WDR17: variants seen among roughly 807,000 people sequenced by gnomAD.
The protein encoded by WDR17 is WD repeat domain 17.
Under a neutral mutation model 161.7 loss-of-function variants are expected in WDR17, and 143 were observed. That is an observed-to-expected ratio of 0.88 (90% CI 0.77 to 1.02). The LOEUF is 1.02. WDR17 is among the 50% of genes least tolerant of loss of function. The probability of loss-of-function intolerance (pLI) is 0.00; values close to 1 mark genes in which losing one functional copy is unlikely to be tolerated. For missense variants in WDR17, 1,469 were observed against 1,520.9 expected (o/e 0.97, Z 0.57); for synonymous variants, 517 against 515.6 (o/e 1.00, Z -0.04).
intron 19 of WDR17, among the ~76,000 whole-genome samples, chr4:176,160,621 C>T (rs1004885198): frequency 3.3e-5 from 5 of 152,168 alleles, no homozygotes; most frequent in Admixed American, 6.6e-5. Flanking sequence ...CACACACAGC[C>T]GAACTTATTT....
chr4:176,133,645 A>T (rs572700239), intron 7 of WDR17, among the ~76,000 whole-genome samples: 1 of 151,750 alleles, frequency 6.6e-6, no homozygotes, highest in Non-Finnish European at 1.5e-5. Context: ...CTTAACACAG[A>T]TCCAAATTTG....
At chr4:176,168,637 C>T (rs756162857) in intron 22 of WDR17, 35 bp from the exon 23 acceptor site, 1 of 1,611,162 alleles carries the variant, frequency 6.2e-7, no homozygotes, top group Non-Finnish European at 8.5e-7. Flanking sequence ...TAAATCTTCT[C>T]CTCAATGAAG....
intron 1 of WDR17, among the ~76,000 whole-genome samples, chr4:176,083,583 A>G (rs1213017139): frequency 6.6e-6 from 1 of 152,114 alleles, no homozygotes; most frequent in East Asian, 1.9e-4. Flanking sequence ...ATACTGTATC[A>G]TTGTACTATT....
At chr4:176,142,151 A>G (rs1265218729) in intron 11 of WDR17, 82 bp downstream of exon 11, 15 of 1,142,016 alleles carry the variant, frequency 1.3e-5, no homozygotes, top group Non-Finnish European at 1.9e-5. Flanking sequence ...GCTATTTCCA[A>G]AGGTAATATC....
At chr4:176,067,774 T>C (rs1561055310) in intron 1 of WDR17, among the ~76,000 whole-genome samples, 1 of 152,322 alleles carries the variant, frequency 6.6e-6, no homozygotes, top group East Asian at 1.9e-4. Flanking sequence ...TCTTGTATCC[T>C]TTAGTCTGGG....
rs529944489 is a variant in WDR17 at position 176,160,118 on chromosome 4, G to T, written c.2650G>T (p.Val884Phe). Residue 884 changes from valine to phenylalanine, a missense_variant, in exon 19 of 29, where the codon GTT (valine) becomes TTT (phenylalanine). Coordinates refer to ENST00000508596, the MANE Select transcript of WDR17 (RefSeq NM_181265.4). ...AGGTCAGCTTAAAGAAGCTCTGCTT[G>T]TTGCACAGGTAAAACCACAGAACTA... ...SRGQLKEALL[V>F]AQAACEGNMQ... 1 of 1,613,308 alleles carries T rather than the reference G, an allele frequency of 6.2e-7. No homozygotes were observed. The highest frequency in any genetic ancestry group is 8.5e-7 in the Non-Finnish European group (1 of 1,179,638).
chr4:176,079,857 T>C (rs1734517064), intron 1 of WDR17, among the ~76,000 whole-genome samples: 1 of 151,948 alleles, frequency 6.6e-6, no homozygotes, highest in Admixed American at 6.6e-5. Context: ...GGGGTGAGCA[T>C]GCTAACATGC....
At chr4:176,104,032 TAC>T (rs1738271626) in intron 1 of WDR17, among the ~76,000 whole-genome samples, 1 of 152,062 alleles carries the variant, frequency 6.6e-6, no homozygotes, top group South Asian at 2.1e-4. Flanking sequence ...GATTAACACA[TAC>T]ATACAGGGAT....
intron 1 of WDR17, among the ~76,000 whole-genome samples, chr4:176,080,363 G>A (rs1734583770): frequency 6.6e-6 from 1 of 151,462 alleles, no homozygotes; most frequent in Non-Finnish European, 1.5e-5. Context: ...GAACCGGTGT[G>A]GAGAAGAAAT....
At chr4:176,125,711 C>A (rs76327990) in intron 5 of WDR17, among the ~76,000 whole-genome samples, 1,780 of 152,240 alleles carry the variant, frequency 0.012, 18 homozygotes, top group Non-Finnish European at 0.019. Flanking sequence ...AAAACAATTA[C>A]CTGATGGGAG....
intron 1 of WDR17, chr4:176,096,657 A>G (rs2126644910): frequency 8.1e-7 from 1 of 1,237,202 alleles, no homozygotes; most frequent in East Asian, 2.6e-5. Flanking sequence ...ATAGTTTTAT[A>G]TCTGTGTCAT....
At chr4:176,088,176 A>T (rs998300550) in intron 1 of WDR17, among the ~76,000 whole-genome samples, 32 of 151,990 alleles carry the variant, frequency 2.1e-4, no homozygotes, top group African/African-American at 7.0e-4. Context: ...TATTCCAATT[A>T]TCTGGTAAAA....
intron 8 of WDR17, 152 bp downstream of exon 8, chr4:176,135,428 C>T (rs1352172990): frequency 2.2e-5 from 20 of 905,342 alleles, no homozygotes; most frequent in African/African-American, 3.4e-5. Flanking sequence ...TCTCTTTTTG[C>T]GAGGTTTAAG....
chr4:176,099,423 G>C (rs2126654207), intron 1 of WDR17, among the ~76,000 whole-genome samples: 1 of 152,296 alleles, frequency 6.6e-6, no homozygotes, highest in African/African-American at 2.4e-5. Context: ...CGGGAACCCA[G>C]TAATGGGGGT....
intron 20 of WDR17, 132 bp downstream of exon 20, chr4:176,161,134 A>G (rs1748982609): frequency 1.7e-6 from 1 of 583,934 alleles, no homozygotes; most frequent in African/African-American, 1.9e-5. Context: ...CCTCACCATG[A>G]TCCAGTTCCA....
At chr4:176,092,773 G>A (rs1248709128) in intron 1 of WDR17, among the ~76,000 whole-genome samples, 1 of 152,176 alleles carries the variant, frequency 6.6e-6, no homozygotes, top group East Asian at 1.9e-4. Flanking sequence ...TTGATGCGGT[G>A]GCTCACGTCT....
intron 1 of WDR17, among the ~76,000 whole-genome samples, chr4:176,097,537 C>T (rs1390083087): frequency 1.3e-5 from 2 of 151,666 alleles, no homozygotes; most frequent in Admixed American, 6.6e-5. Flanking sequence ...ATCCAGTAAA[C>T]ATCTCTGGAG....
At chr4:176,135,430 A>G (rs1744253334) in intron 8 of WDR17, 154 bp downstream of exon 8, 1 of 863,296 alleles carries the variant, frequency 1.2e-6, no homozygotes. Context: ...TCTTTTTGCG[A>G]GGTTTAAGAA....
At chr4:176,100,706 T>C (rs1394829989) in intron 1 of WDR17, among the ~76,000 whole-genome samples, 1 of 152,152 alleles carries the variant, frequency 6.6e-6, no homozygotes, top group Non-Finnish European at 1.5e-5. Context: ...CTAGTATTTT[T>C]ATAGTTTCTG....
Sources: allele counts gnomAD v4.1 joint callset (sites outside exome capture counted in the v4.1 genomes callset), GRCh38; gene constraint gnomAD v4.1.1; transcripts MANE v1.5; gene names NCBI Gene and HGNC (gene_info 2026-07-23, HGNC 2026-07-21).